The following ACSM2A variants were observed in gnomAD, a reference collection of about 807,000 sequenced individuals.
ACSM2A encodes acyl-CoA synthetase medium chain family member 2A.
ACSM2A carries 72 observed loss-of-function variants against 76.6 expected under a neutral mutation model. That is an observed-to-expected ratio of 0.94 (90% CI 0.78 to 1.14). The LOEUF is 1.14. ACSM2A is among the 50% of genes most tolerant of loss of function. ACSM2A has a pLI of 0.00. For synonymous variants in ACSM2A, 249 were observed against 255.9 expected (o/e 0.97, Z 0.26); for missense variants, 684 against 708.5 (o/e 0.97, Z 0.39).
rs2014418971 is a variant in ACSM2A at position 20,487,071 on chromosome 16, TAA to T, written c.*395_*396del. ...ATAATTGAAGGGAGAATCAGAAAAA[TAA>T]AGAGCAGAAAGGAAAGAAATAAAGA... On this transcript the variant is annotated 3_prime_UTR_variant, in exon 14 of 14. Coordinates refer to ENST00000573854, the MANE Select transcript of ACSM2A (RefSeq NM_001308172.2). 1 of 123,532 alleles carries T rather than the reference TAA, an allele frequency of 8.1e-6. No homozygotes were observed. Among genetic ancestry groups the T allele is most frequent in the Non-Finnish European group, 1.7e-5 (1 of 58,502 alleles). The allele number at this position is 123,532 out of a possible 1,614,324, so 7.7% of individuals were successfully genotyped here. A position where few individuals can be genotyped will look rare whatever the true frequency, so the allele number is the denominator to read the frequency against.
intron 6 of ACSM2A, among the ~76,000 whole-genome samples, chr16:20,473,788 C>G (rs187651223): frequency 1.3e-5 from 2 of 151,984 alleles, no homozygotes; most frequent in Non-Finnish European, 2.9e-5. Context: ...CTCATTATAC[C>G]TCTCTGGTAT....
chr16:20,454,047 T>C lies in ACSM2A; in HGVS notation c.-9+2366T>C, dbSNP rs1392394561. On this transcript the variant is annotated intron_variant, in intron 1 of 13. Transcript: ENST00000573854. ...GTGATCTTTACTGCCCTTTGAAGCA[T>C]GTGATCCTTGTGACCTACTCCCTGT... Among the ~76,000 whole-genome samples, 4 of 118,772 alleles carry C rather than the reference T, an allele frequency of 3.4e-5. 1 individual carries two copies. The highest frequency in any genetic ancestry group is 6.6e-5 in the Non-Finnish European group (4 of 60,408). 77.9% of individuals were successfully genotyped at this position (118,772 alleles called of 152,430 possible).
At chr16:20,474,724 A>G (rs1046895314) in intron 6 of ACSM2A, among the ~76,000 whole-genome samples, 1 of 152,148 alleles carries the variant, frequency 6.6e-6, no homozygotes, top group South Asian at 2.1e-4. Context: ...GCAGCTACTT[A>G]ACCTTGTACA....
At chr16:20,483,554 A>G (rs540276419) in intron 13 of ACSM2A, among the ~76,000 whole-genome samples, 1 of 122,740 alleles carries the variant, frequency 8.1e-6, no homozygotes, top group East Asian at 2.8e-4. Flanking sequence ...CAGGTGACAG[A>G]GTGAGACTCT....
At chr16:20,485,954 T>C (rs1360573920) in intron 13 of ACSM2A, among the ~76,000 whole-genome samples, 3 of 152,230 alleles carry the variant, frequency 2.0e-5, no homozygotes, top group African/African-American at 7.2e-5. Flanking sequence ...ACTTCAAACA[T>C]TCCTTTTAAC....
At chr16:20,467,310 G>T (rs549758450) in intron 3 of ACSM2A, among the ~76,000 whole-genome samples, 1 of 151,964 alleles carries the variant, frequency 6.6e-6, no homozygotes, top group Non-Finnish European at 1.5e-5. Flanking sequence ...TTATCCAGTG[G>T]TGAATGGGAA....
chr16:20,470,869 A>G, intron 4 of ACSM2A: 2 of 778,470 alleles, frequency 2.6e-6, no homozygotes, highest in Non-Finnish European at 2.2e-6. Flanking sequence ...TGCATTGATA[A>G]CAAAGTGTGA....
intron 12 of ACSM2A, 86 bp from the exon 13 acceptor site, chr16:20,482,972 T>C (rs2014172338): frequency 2.6e-6 from 4 of 1,565,650 alleles, no homozygotes; most frequent in African/African-American, 1.4e-5. Context: ...ACAAGGGTGA[T>C]GGAAGTCTTA....
intron 9 of ACSM2A, 150 bp from the exon 10 acceptor site, chr16:20,478,426 G>T (rs764045898): frequency 8.4e-5 from 69 of 821,456 alleles, no homozygotes; most frequent in Non-Finnish European, 1.2e-4. Flanking sequence ...CTGAGTTTAA[G>T]ACTCTTGGGT....
intron 3 of ACSM2A, among the ~76,000 whole-genome samples, chr16:20,468,004 T>C (rs2013119068): frequency 6.6e-6 from 1 of 151,612 alleles, no homozygotes; most frequent in African/African-American, 2.4e-5. Context: ...GAGAAAGCAA[T>C]GGGTAAAGAG....
intron 13 of ACSM2A, among the ~76,000 whole-genome samples, chr16:20,483,718 T>C (rs2014243429): frequency 6.6e-6 from 1 of 151,986 alleles, no homozygotes; most frequent in South Asian, 2.1e-4. Flanking sequence ...GAATAAGTTC[T>C]AGCCAGTATC....
At chr16:20,476,399 C>T in intron 8 of ACSM2A, 2 of 985,734 alleles carry the variant, frequency 2.0e-6, no homozygotes, top group Non-Finnish European at 2.4e-6. Flanking sequence ...CACTTCTTGC[C>T]TCTTCCTCTC....
At position 20,465,408 on chromosome 16, in the gene ACSM2A, G is replaced by A. The variant is rs568968220; in HGVS notation, c.178-109G>A. On this transcript the variant is annotated intron_variant, in intron 2 of 13. Transcript: ENST00000573854. Reference sequence around the variant, plus strand: ...CCTTTTAAGATTGTATGGAGGTGCTGAGATAAAAAACCTTACTAAGCACCA... The same window carrying A: ...CCTTTTAAGATTGTATGGAGGTGCTAAGATAAAAAACCTTACTAAGCACCA... 352 of 1,412,694 alleles carry A rather than the reference G, an allele frequency of 2.5e-4. 9 individuals carry two copies. The South Asian group carries it at 4.7e-3, about 19-fold the overall frequency. 87.5% of individuals were successfully genotyped at this position (1,412,694 alleles called of 1,614,324 possible).
At chr16:20,455,175 T>C (rs1311719261) in intron 1 of ACSM2A, among the ~76,000 whole-genome samples, 2 of 151,360 alleles carry the variant, frequency 1.3e-5, no homozygotes, top group African/African-American at 4.9e-5. Context: ...TAAGAATAAT[T>C]GGCATCCTTG....
chr16:20,471,319 C>T lies in ACSM2A; in HGVS notation c.740+103C>T, dbSNP rs1225256504. On this transcript the variant is annotated intron_variant, in intron 5 of 13. Transcript: ENST00000573854. The stretch of plus-strand genomic sequence containing the variant: ...TAAGTCAGGTCAACCGGGGTCCCAC[C>T]TTCTGAACATTCATCTCCTGTTGAT... 17 of 1,526,780 alleles carry T rather than the reference C, an allele frequency of 1.1e-5. No homozygotes were observed. The East Asian group carries it at 3.4e-4, about 31-fold the overall frequency. The allele number at this position is 1,526,780 out of a possible 1,614,324, so 94.6% of individuals were successfully genotyped here. A position where few individuals can be genotyped will look rare whatever the true frequency, so the allele number is the denominator to read the frequency against.
Position 20,469,870 on chromosome 16 carries a change from G to GT in ACSM2A, c.596+152dup, listed in dbSNP as rs1567365569. ...GGAAGAAATAAAAGCTAACACAAGG[G>GT]TATTTTTTTTTTTTTTTTTTTTTTT... is the stretch of plus-strand genomic sequence containing the variant. On this transcript the variant is annotated intron_variant, in intron 4 of 13. Coordinates refer to ENST00000573854, the MANE Select transcript of ACSM2A (RefSeq NM_001308172.2). 1.8e-3 allele frequency: 1,100 copies of GT among 617,140 alleles called. 8 individuals carry two copies. The highest frequency in any genetic ancestry group is 3.4e-3 in the South Asian group (144 of 42,316). The allele number at this position is 617,140 out of a possible 1,614,324, so 38.2% of individuals were successfully genotyped here.
intron 1 of ACSM2A, among the ~76,000 whole-genome samples, chr16:20,456,580 A>T (rs1164883459): frequency 6.6e-6 from 1 of 151,734 alleles, no homozygotes; most frequent in African/African-American, 2.4e-5. Context: ...TCAAGATGGA[A>T]ATTTAAAAAT....
intron 10 of ACSM2A, 68 bp downstream of exon 10, chr16:20,478,745 G>A (rs1321090100): frequency 3.9e-5 from 59 of 1,502,674 alleles, no homozygotes; most frequent in Middle Eastern, 1.9e-4. Context: ...GATGAGGGAG[G>A]ACAAATGTTC....
chr16:20,475,587 C>G (rs1312639910), intron 7 of ACSM2A, 63 bp from the exon 8 acceptor site: 22 of 1,611,578 alleles, frequency 1.4e-5, no homozygotes, highest in African/African-American at 4.0e-5. Flanking sequence ...GAAACCCAGT[C>G]TAGGCCTGAG....
Sources: gnomAD v4.1 joint callset for allele counts (sites outside exome capture counted in the v4.1 genomes callset) on GRCh38, gnomAD v4.1.1 for gene constraint, MANE v1.5 for transcripts, NCBI Gene and HGNC (gene_info 2026-07-23, HGNC 2026-07-21) for gene names.